MYH10: variants seen among roughly 807,000 people sequenced by gnomAD.
MYH10 encodes myosin heavy chain 10, also known as myosin-10.
In MYH10, 55 loss-of-function variants were observed where a neutral mutation model predicts 257.8. The ratio of observed to expected loss-of-function variants is 0.21; its 90% CI spans 0.17 to 0.27. The LOEUF (loss-of-function observed/expected upper bound fraction) is 0.27, where lower values mean the gene tolerates loss of function less well. Among genes scored for constraint, MYH10 ranks in the 10% least tolerant of loss-of-function variants. The pLI is 1.00. For synonymous variants in MYH10, 854 were observed against 921.7 expected (o/e 0.93, Z 1.33); for missense variants, 1,631 against 2,500.6 (o/e 0.65, Z 7.42).
intron 1 of MYH10, among the ~76,000 whole-genome samples, chr17:8,623,697 C>G (rs111904322): frequency 6.6e-6 from 1 of 151,346 alleles, no homozygotes; most frequent in Non-Finnish European, 1.5e-5. Context: ...GAAACAGCTA[C>G]AAAAACACAT....
chr17:8,478,879 G>A (rs550262613), intron 40 of MYH10, among the ~76,000 whole-genome samples: 1 of 152,142 alleles, frequency 6.6e-6, no homozygotes, highest in Admixed American at 6.6e-5. Context: ...TACAAGGCAT[G>A]CACCACCACG....
chr17:8,506,217 ATCTCAC>A lies in MYH10; in HGVS notation c.3386+95_3386+100del, dbSNP rs538472392. 104 of 1,240,448 alleles carry A rather than the reference ATCTCAC, an allele frequency of 8.4e-5. No individual in the cohort carries two copies. Among genetic ancestry groups the A allele is most frequent in the Non-Finnish European group, 1.1e-4 (103 of 922,518 alleles). 76.8% of individuals were successfully genotyped at this position (1,240,448 alleles called of 1,614,324 possible). A position where few individuals can be genotyped will look rare whatever the true frequency, so the allele number is the denominator to read the frequency against. The stretch of plus-strand genomic sequence containing the variant: ...TCACACCAAACAGCAAGCAAACCCC[ATCTCAC>A]TCTCCCAGGGTTTTTGAATGCTCCC... On this transcript the variant is annotated intron_variant, in intron 27 of 42. Coordinates refer to ENST00000360416, the MANE Select transcript of MYH10 (RefSeq NM_001256012.3). This position sits in a 1 kb window ranked among gnomAD's most constrained non-coding sequence, Gnocchi z 5.0.
At chr17:8,510,970 GATT>G (rs2081248467) in intron 24 of MYH10, among the ~76,000 whole-genome samples, 1 of 142,530 alleles carries the variant, frequency 7.0e-6, no homozygotes, top group African/African-American at 2.7e-5. Flanking sequence ...TATATGAGGT[GATT>G]ATTACACACT....
chr17:8,558,571 A>G (rs545805701), intron 7 of MYH10, among the ~76,000 whole-genome samples: 1 of 152,246 alleles, frequency 6.6e-6, no homozygotes, highest in South Asian at 2.1e-4. Flanking sequence ...TCTAATTTCA[A>G]CTTCTAAGTT....
At chr17:8,551,329 T>C (rs939031989) in intron 9 of MYH10, among the ~76,000 whole-genome samples, 2 of 152,192 alleles carry the variant, frequency 1.3e-5, no homozygotes, top group African/African-American at 4.8e-5. Flanking sequence ...GGTCATTCTC[T>C]GATTAATTTT....
chr17:8,523,799 C>T (rs946510005), intron 17 of MYH10, among the ~76,000 whole-genome samples: 1 of 152,166 alleles, frequency 6.6e-6, no homozygotes, highest in African/African-American at 2.4e-5. Flanking sequence ...GACTGGCTTG[C>T]TCTTGGATGA....
chr17:8,612,145 T>C (rs1442527644), intron 2 of MYH10, among the ~76,000 whole-genome samples: 2 of 152,268 alleles, frequency 1.3e-5, no homozygotes, highest in Non-Finnish European at 2.9e-5. Context: ...GCTGTACAGC[T>C]ATTAATCACT....
At chr17:8,521,547 G>C in intron 17 of MYH10, 1 of 470,556 alleles carries the variant, frequency 2.1e-6, no homozygotes, top group South Asian at 3.9e-5. Flanking sequence ...CTAGTTTCAG[G>C]AATTCACTGT....
In MYH10 at chr17:8,504,765, A is replaced by G; in HGVS notation, c.3528T>C (p.Ser1176=). The change falls in exon 28 of 43, where the codon AGT becomes AGC. Residue 1176 remains serine, a synonymous_variant. Transcript: ENST00000360416. The surrounding 1 kb of genome is among the most constrained non-coding windows in gnomAD (Gnocchi z 5.6). ...NKAEKQKRDL[S]EELEALKTEL... is the part of the protein sequence containing the mutation. Reference sequence around the variant, plus strand: ...CTGTTTTCAGAGCTTCCAGTTCCTCACTCAAGTCCCTTTTCTGCTTTTCGG... The same window carrying G: ...CTGTTTTCAGAGCTTCCAGTTCCTCGCTCAAGTCCCTTTTCTGCTTTTCGG... 6.2e-7 allele frequency: 1 copy of G among 1,613,644 alleles called. No individual in the cohort carries two copies. Among genetic ancestry groups the G allele is most frequent in the African/African-American group, 1.3e-5 (1 of 74,790 alleles).
At chr17:8,483,197 GT>G (rs1291843967) in intron 37 of MYH10, among the ~76,000 whole-genome samples, 1 of 152,166 alleles carries the variant, frequency 6.6e-6, no homozygotes, top group Non-Finnish European at 1.5e-5. Context: ...ATCAAAATTT[GT>G]GGAACATGAT....
chr17:8,555,349 AAAG>A (rs1387765998), intron 7 of MYH10, among the ~76,000 whole-genome samples: 2 of 152,204 alleles, frequency 1.3e-5, no homozygotes, highest in Non-Finnish European at 1.5e-5. Context: ...CAATTCTGAG[AAAG>A]AAGACCAGGG....
chr17:8,542,047 C>G, intron 14 of MYH10, 60 bp downstream of exon 14: 1 of 1,503,520 alleles, frequency 6.7e-7, no homozygotes, highest in Admixed American at 2.0e-5. Flanking sequence ...TTGGGTTATG[C>G]CACTTAAGGT....
At chr17:8,534,946 G>T (rs1349976315) in intron 16 of MYH10, among the ~76,000 whole-genome samples, 2 of 152,236 alleles carry the variant, frequency 1.3e-5, no homozygotes, top group African/African-American at 4.8e-5. Flanking sequence ...CTGTATGCAG[G>T]CAATTTGAGT....
chr17:8,480,240 G>A lies in MYH10; in HGVS notation c.5467C>T (p.Arg1823Trp), dbSNP rs373530537. 5.0e-6 allele frequency: 8 copies of A among 1,613,890 alleles called. No individual in the cohort carries two copies. Among genetic ancestry groups the A allele is most frequent in the Admixed American group, 1.7e-5 (1 of 60,002 alleles). Reference protein sequence around the residue: ...KSDNARQQLERQNKELKAKLQ... With the variant: ...KSDNARQQLEWQNKELKAKLQ... ...TTGGCCTTCAGCTCCTTGTTCTGCC[G>A]CTCCAGTTGCTGGCGTGCATTGTCA... The change falls in exon 40 of 43, where the codon CGG (arginine) becomes TGG (tryptophan). Residue 1823 changes from arginine (R) to tryptophan (W), a missense_variant. Physicochemically the swap from Arg to Trp is moderately radical, Grantham distance 101. Transcript: ENST00000360416.
intron 19 of MYH10, among the ~76,000 whole-genome samples, chr17:8,520,133 G>T (rs2081606180): frequency 6.6e-6 from 1 of 152,172 alleles, no homozygotes; most frequent in Admixed American, 6.5e-5. Context: ...ACTCCTTGAT[G>T]ATTTTTATTT....
intron 16 of MYH10, among the ~76,000 whole-genome samples, chr17:8,532,375 A>G (rs2151926986): frequency 6.6e-6 from 1 of 152,364 alleles, no homozygotes; most frequent in South Asian, 2.1e-4. Flanking sequence ...GGCTCACACC[A>G]GGGCTGAAGG....
Position 8,500,846 on chromosome 17 carries a change from G to T in MYH10, c.3724C>A (p.Gln1242Lys), listed in dbSNP as rs1249642497. ...CTTACCCGCTTGGCCTGTTCCAGCT[G>T]CTCTGAGAGCTCCTCCAGGGCTGTT... ...HATALEELSE[Q>K]LEQAKRFKAN... is the part of the protein sequence containing the mutation. The change falls in exon 29 of 43, where the codon CAG (glutamine) becomes AAG (lysine). Residue 1242 changes from glutamine (Q) to lysine (K), a missense_variant. Gln to Lys is a moderately conservative substitution (Grantham distance 53). Around this residue, in one of 11 missense-constraint regions of MYH10, gnomAD observed 463 missense variants for 621.8 expected, o/e 0.74. Coordinates refer to ENST00000360416, the MANE Select transcript of MYH10 (RefSeq NM_001256012.3). 2 of 1,613,418 alleles carry T rather than the reference G, an allele frequency of 1.2e-6. No homozygotes were observed. The highest frequency in any genetic ancestry group is 3.3e-5 in the Admixed American group (2 of 59,982).
intron 4 of MYH10, among the ~76,000 whole-genome samples, chr17:8,585,240 A>ATG (rs140156237): frequency 3.4e-4 from 48 of 140,182 alleles, no homozygotes; most frequent in Admixed American, 2.7e-3. Flanking sequence ...GTGTGTATAT[A>ATG]TGTGTATATA....
chr17:8,628,323 G>GAC (rs1388963758), intron 1 of MYH10, among the ~76,000 whole-genome samples: 4 of 152,096 alleles, frequency 2.6e-5, no homozygotes, highest in African/African-American at 4.8e-5. Flanking sequence ...TCAGTGGTTT[G>GAC]ACACACACAC....
Sources: gnomAD v4.1 joint callset for allele counts (sites outside exome capture counted in the v4.1 genomes callset) on GRCh38, gnomAD v4.1.1 for gene constraint, gnomAD v4.1.1 regional missense constraint, Gnocchi (gnomAD v3.1) non-coding constraint, MANE v1.5 for transcripts, NCBI Gene and HGNC (gene_info 2026-07-23, HGNC 2026-07-21) for gene names.